The following ATOSA variants were observed in gnomAD, a reference collection of about 807,000 sequenced individuals.
ATOSA encodes the protein atos homolog protein A.
the ATOSA span, chr15:52,611,585 C>G: frequency 6.2e-7 from 1 of 1,613,990 alleles, no homozygotes; most frequent in Non-Finnish European, 8.5e-7. Context: ...TGTCGAGGAA[C>G]TGGCTCCAAG....
chr15:52,673,416 G>A, the ATOSA span, among the ~76,000 whole-genome samples: 1 of 152,196 alleles, frequency 6.6e-6, no homozygotes, highest in Non-Finnish European at 1.5e-5. Context: ...ATTTGAGCTT[G>A]CCCTTTTATT....
the ATOSA span, among the ~76,000 whole-genome samples, chr15:52,673,649 G>A: frequency 6.6e-6 from 1 of 152,148 alleles, no homozygotes; most frequent in African/African-American, 2.4e-5. Flanking sequence ...TTTAGCAAAA[G>A]GCCGCTTTAT....
the ATOSA span, among the ~76,000 whole-genome samples, chr15:52,599,086 A>G: frequency 2.0e-4 from 31 of 152,200 alleles, no homozygotes; most frequent in Non-Finnish European, 3.8e-4. Flanking sequence ...TTTCTTTATA[A>G]ATTATCCAGC....
chr15:52,660,934 G>T, the ATOSA span, among the ~76,000 whole-genome samples: 34 of 152,312 alleles, frequency 2.2e-4, no homozygotes, highest in African/African-American at 7.7e-4. Flanking sequence ...GATTACAGGC[G>T]TGAGCCACTG....
chr15:52,629,270 T>C, the ATOSA span, among the ~76,000 whole-genome samples: 1 of 152,100 alleles, frequency 6.6e-6, no homozygotes, highest in South Asian at 2.1e-4. Flanking sequence ...CCCTCCCCAA[T>C]ACCTGTGTGG....
At chr15:52,648,859 T>C in the ATOSA span, 1 of 152,116 alleles carries the variant, frequency 6.6e-6, no homozygotes, top group African/African-American at 2.4e-5. Flanking sequence ...CCTGGGCTTA[T>C]TATAAACCTT....
chr15:52,685,434 G>GTT, the ATOSA span, among the ~76,000 whole-genome samples: 1 of 149,610 alleles, frequency 6.7e-6, no homozygotes, highest in Non-Finnish European at 1.5e-5. Context: ...TTTTTGTTTT[G>GTT]TTTTGTTTTG....
the ATOSA span, chr15:52,657,840 A>T: frequency 1.3e-5 from 2 of 152,368 alleles, no homozygotes; most frequent in Admixed American, 1.3e-4. Flanking sequence ...TAAAGAGTTG[A>T]GACTATAATT....
the ATOSA span, among the ~76,000 whole-genome samples, chr15:52,655,876 C>T: frequency 6.6e-6 from 1 of 152,068 alleles, no homozygotes; most frequent in Non-Finnish European, 1.5e-5. Context: ...GAATCTATTT[C>T]TTTATTTGAA....
chr15:52,684,333 G>A, the ATOSA span, among the ~76,000 whole-genome samples: 17 of 152,134 alleles, frequency 1.1e-4, no homozygotes, highest in African/African-American at 3.6e-4. Flanking sequence ...TCAGGAATTC[G>A]AGACCATCCC....
chr15:52,609,639 G>C, the ATOSA span: 2 of 1,613,212 alleles, frequency 1.2e-6, no homozygotes, highest in Non-Finnish European at 1.7e-6. Context: ...AAGTCATGGA[G>C]AAAGCTTCTT....
chr15:52,588,920 G>C, the ATOSA span, among the ~76,000 whole-genome samples: 1 of 152,202 alleles, frequency 6.6e-6, no homozygotes, highest in Admixed American at 6.5e-5. Context: ...AAACAGCACT[G>C]TTCTATCAGG....
chr15:52,699,944 C>G, the ATOSA span, among the ~76,000 whole-genome samples: 506 of 152,308 alleles, frequency 3.3e-3, 2 homozygotes, highest in African/African-American at 0.01. Context: ...AGATTAATCA[C>G]TAGACATGGG....
the ATOSA span, among the ~76,000 whole-genome samples, chr15:52,631,887 G>A: frequency 3.9e-5 from 6 of 152,108 alleles, no homozygotes; most frequent in East Asian, 1.9e-4. Flanking sequence ...ACAGGAATGC[G>A]CCATCATGCC....
At chr15:52,659,746 G>A in the ATOSA span, among the ~76,000 whole-genome samples, 144 of 152,200 alleles carry the variant, frequency 9.5e-4, no homozygotes, top group African/African-American at 3.4e-3. Flanking sequence ...ATGACTATTA[G>A]GGTTATCATA....
chr15:52,617,755 A>G, the ATOSA span, among the ~76,000 whole-genome samples: 5 of 118,266 alleles, frequency 4.2e-5, no homozygotes, highest in South Asian at 2.9e-4. Flanking sequence ...ATTTTATTTA[A>G]ATATTTATTT....
chr15:52,655,635 A>G, the ATOSA span, among the ~76,000 whole-genome samples: 36 of 152,242 alleles, frequency 2.4e-4, no homozygotes, highest in East Asian at 7.0e-3. Flanking sequence ...ATAGGACAGG[A>G]TAAAATTATT....
At chr15:52,612,303 T>C in the ATOSA span, among the ~76,000 whole-genome samples, 10 of 152,170 alleles carry the variant, frequency 6.6e-5, no homozygotes, top group African/African-American at 2.2e-4. Context: ...ACATTTATAA[T>C]GCAAATTTTC....
the ATOSA span, among the ~76,000 whole-genome samples, chr15:52,693,963 TCTC>T: frequency 1.3e-5 from 2 of 152,086 alleles, no homozygotes; most frequent in Non-Finnish European, 2.9e-5. Flanking sequence ...TACCTCACTC[TCTC>T]TTCTCTTTTG....
Sources: allele counts gnomAD v4.1 joint callset (sites outside exome capture counted in the v4.1 genomes callset), GRCh38; gene constraint gnomAD v4.1.1; transcripts MANE v1.5; gene names NCBI Gene and HGNC (gene_info 2026-07-23, HGNC 2026-07-21).